RARB: variants seen among roughly 807,000 people sequenced by gnomAD.
The protein encoded by RARB is retinoic acid receptor beta, also known as HBV-activated protein.
In RARB, 17 loss-of-function variants were observed where a neutral mutation model predicts 51.9. That is an observed-to-expected ratio of 0.33 (90% CI 0.22 to 0.49). RARB has a LOEUF of 0.49. Ranked by LOEUF, RARB falls within the 20% of genes least tolerant of loss-of-function variation. The probability of loss-of-function intolerance (pLI) is 0.99; values close to 1 mark genes in which losing one functional copy is unlikely to be tolerated. For synonymous variants in RARB, 215 were observed against 195.4 expected (o/e 1.10, Z -0.84); for missense variants, 369 against 550.8 (o/e 0.67, Z 3.30).
intron 5 of RARB, among the ~76,000 whole-genome samples, chr3:25,361,721 T>C (rs1041820719): frequency 2.0e-5 from 3 of 152,242 alleles, no homozygotes; most frequent in African/African-American, 7.2e-5. Flanking sequence ...TTAGTTTTCT[T>C]TCTACCAGTC....
chr3:25,536,035 GA>G (rs1270955563), intron 3 of RARB, among the ~76,000 whole-genome samples: 1 of 152,122 alleles, frequency 6.6e-6, no homozygotes, highest in East Asian at 1.9e-4. Flanking sequence ...AGGACATAAA[GA>G]TGACAACAGT....
At chr3:25,476,714 A>G (rs920566361) in intron 2 of RARB, among the ~76,000 whole-genome samples, 6 of 152,168 alleles carry the variant, frequency 3.9e-5, no homozygotes, top group Admixed American at 1.3e-4. Flanking sequence ...TTCTGTGTAA[A>G]CACCATTTTT....
In RARB at chr3:25,160,386, A is replaced by G. The variant is rs75311666; in HGVS notation, c.-279-13733A>G. Among the ~76,000 whole-genome samples the G allele has an allele frequency of 2.2e-3, 330 of 152,342 alleles. 2 individuals carry two copies. The highest frequency in any genetic ancestry group is 0.02 in the East Asian group (106 of 5,186). On this transcript the variant is annotated intron_variant, in intron 4 of 11. Coordinates refer to the RARB transcript ENST00000383772. ...ATTACTTTGACCCCTGGCTTCTTCT[A>G]GAACCCACGTCTTTTATAGAACTGA... is the stretch of plus-strand genomic sequence containing the variant.
At chr3:25,192,840 A>G (rs1330030874) in intron 5 of RARB, among the ~76,000 whole-genome samples, 5 of 151,976 alleles carry the variant, frequency 3.3e-5, no homozygotes, top group Non-Finnish European at 5.9e-5. Flanking sequence ...GGTGACTGGC[A>G]TAGTATCTAG....
At chr3:25,312,513 A>C (rs372439412) in intron 5 of RARB, among the ~76,000 whole-genome samples, 30 of 152,258 alleles carry the variant, frequency 2.0e-4, no homozygotes, top group African/African-American at 7.0e-4. Flanking sequence ...GGGAGTTAAA[A>C]GTGGGTTTGT....
intron 5 of RARB, among the ~76,000 whole-genome samples, chr3:25,211,066 C>T (rs141792066): frequency 9.9e-5 from 15 of 152,144 alleles, no homozygotes; most frequent in Non-Finnish European, 1.5e-5. Flanking sequence ...AATAAAGTTA[C>T]AGCTCTCAGA....
intron 2 of RARB, among the ~76,000 whole-genome samples, chr3:24,915,934 A>G (rs1204495537): frequency 2.0e-5 from 3 of 152,272 alleles, no homozygotes; most frequent in Admixed American, 2.0e-4. Flanking sequence ...GCTGCAGAAA[A>G]GCAAGTTCAC....
chr3:25,329,362 C>G (rs1024185107), intron 5 of RARB, among the ~76,000 whole-genome samples: 2 of 152,208 alleles, frequency 1.3e-5, no homozygotes, highest in African/African-American at 4.8e-5. Context: ...ATTTGCCGTT[C>G]TGCAGCCTCT....
intron 2 of RARB, among the ~76,000 whole-genome samples, chr3:24,859,229 C>T (rs990771692): frequency 1.3e-5 from 2 of 151,826 alleles, no homozygotes; most frequent in Admixed American, 1.3e-4. Context: ...ATGTCTTTCT[C>T]TATATTGCAA....
At chr3:24,898,208 T>C (rs937851541) in intron 2 of RARB, among the ~76,000 whole-genome samples, 7 of 152,102 alleles carry the variant, frequency 4.6e-5, no homozygotes, top group Non-Finnish European at 7.4e-5. Flanking sequence ...GATTAGGGCA[T>C]TGCTTTCTCT....
intron 5 of RARB, among the ~76,000 whole-genome samples, chr3:25,284,583 T>C (rs1294243250): frequency 1.3e-5 from 2 of 152,038 alleles, no homozygotes; most frequent in African/African-American, 4.8e-5. Context: ...GGAAGCAGCA[T>C]TCTAAAATAT....
chr3:25,416,588 A>C (rs1332215737), intron 5 of RARB, among the ~76,000 whole-genome samples: 1 of 152,220 alleles, frequency 6.6e-6, no homozygotes, highest in Non-Finnish European at 1.5e-5. Context: ...AAATATTTTC[A>C]GCTTTGTGGG....
At chr3:25,338,103 AC>A (rs1705119808) in intron 5 of RARB, among the ~76,000 whole-genome samples, 2 of 108,974 alleles carry the variant, frequency 1.8e-5, no homozygotes, top group Non-Finnish European at 3.8e-5. Flanking sequence ...CCCAACACAC[AC>A]ACACACACAC....
chr3:25,262,274 G>A (rs1415245072), intron 5 of RARB, among the ~76,000 whole-genome samples: 3 of 151,988 alleles, frequency 2.0e-5, no homozygotes, highest in Admixed American at 6.6e-5. Flanking sequence ...TCCCTCTAAC[G>A]TTCAGCCATG....
At chr3:25,538,424 A>G (rs11707637) in intron 3 of RARB, among the ~76,000 whole-genome samples, 74,100 of 151,902 alleles carry the variant, frequency 0.49, 18,249 homozygotes, top group Admixed American at 0.55. Flanking sequence ...ATGTCTTATA[A>G]TTGTGATTTT....
At chr3:25,403,886 TAAAAA>T (rs546197894) in intron 5 of RARB, among the ~76,000 whole-genome samples, 3 of 88,378 alleles carry the variant, frequency 3.4e-5, no homozygotes, top group African/African-American at 9.6e-5. Flanking sequence ...TTTCTTTTTC[TAAAAA>T]AAAAAAAAAA....
chr3:24,907,503 G>A (rs770043299), intron 2 of RARB, among the ~76,000 whole-genome samples: 2 of 152,118 alleles, frequency 1.3e-5, no homozygotes, highest in African/African-American at 4.8e-5. Flanking sequence ...ATTAAATGTG[G>A]TTAAATGCTG....
At chr3:25,515,653 A>G (rs1448898602) in intron 3 of RARB, among the ~76,000 whole-genome samples, 2 of 152,244 alleles carry the variant, frequency 1.3e-5, no homozygotes, top group East Asian at 3.8e-4. Context: ...AGAACTTAGA[A>G]CAAGAGACAA....
At chr3:25,269,797 T>G (rs1703212378) in intron 5 of RARB, among the ~76,000 whole-genome samples, 1 of 152,306 alleles carries the variant, frequency 6.6e-6, no homozygotes, top group Non-Finnish European at 1.5e-5. Flanking sequence ...GTTAACAAAA[T>G]TTGTATATAC....
Sources: allele counts gnomAD v4.1 joint callset (sites outside exome capture counted in the v4.1 genomes callset), GRCh38; gene constraint gnomAD v4.1.1; transcripts MANE v1.5; gene names NCBI Gene and HGNC (gene_info 2026-07-23, HGNC 2026-07-21).